PLD5: variants seen among roughly 807,000 people sequenced by gnomAD.
PLD5 encodes phospholipase D family member 5, also known as inactive phospholipase D5.
PLD5 carries 36 observed loss-of-function variants against 61.1 expected under a neutral mutation model. The observed-to-expected ratio is 0.59, with a 90% CI of 0.45 to 0.78. The LOEUF is 0.78. Ranked by LOEUF, PLD5 falls within the 30% of genes least tolerant of loss-of-function variation. PLD5 has a pLI of 0.00. For missense variants in PLD5, 515 were observed against 644.4 expected (o/e 0.80, Z 2.17); for synonymous variants, 243 against 242.8 (o/e 1.00, Z -0.01).
chr1:242,323,202 GA>G (rs910894421), intron 2 of PLD5, among the ~76,000 whole-genome samples: 3 of 151,638 alleles, frequency 2.0e-5, no homozygotes, highest in Admixed American at 6.6e-5. Flanking sequence ...GAGACAAGGG[GA>G]AAAAAAAGAA....
intron 1 of PLD5, among the ~76,000 whole-genome samples, chr1:242,495,535 A>C (rs1668342713): frequency 6.6e-6 from 1 of 152,160 alleles, no homozygotes; most frequent in Non-Finnish European, 1.5e-5. Context: ...GTTCAATGTT[A>C]CTGAGATGTT....
intron 1 of PLD5, among the ~76,000 whole-genome samples, chr1:242,385,162 G>A (rs1482364921): frequency 6.6e-6 from 1 of 152,130 alleles, no homozygotes; most frequent in African/African-American, 2.4e-5. Flanking sequence ...TTAAAAATCT[G>A]TAAGTCCAGT....
At chr1:242,373,639 T>C (rs1251238331) in intron 1 of PLD5, among the ~76,000 whole-genome samples, 2 of 152,178 alleles carry the variant, frequency 1.3e-5, no homozygotes, top group Non-Finnish European at 2.9e-5. Flanking sequence ...GATGAGTTCG[T>C]GTCCTTTGTA....
intron 4 of PLD5, among the ~76,000 whole-genome samples, chr1:242,221,829 G>A (rs1017355772): frequency 6.6e-6 from 1 of 152,172 alleles, no homozygotes; most frequent in African/African-American, 2.4e-5. Flanking sequence ...CACAGACACA[G>A]CAGACAGTGT....
At chr1:242,093,869 A>C (rs1279593280) in intron 9 of PLD5, among the ~76,000 whole-genome samples, 2 of 152,172 alleles carry the variant, frequency 1.3e-5, no homozygotes, top group African/African-American at 4.8e-5. Flanking sequence ...GACTTATTCT[A>C]TGAAATATAG....
intron 5 of PLD5, among the ~76,000 whole-genome samples, chr1:242,155,464 C>T (rs1044929140): frequency 6.6e-6 from 1 of 152,080 alleles, no homozygotes; most frequent in Non-Finnish European, 1.5e-5. Context: ...TTAGATCTTT[C>T]CTGCTTTCTC....
chr1:242,417,596 C>T (rs1664901467), intron 1 of PLD5, among the ~76,000 whole-genome samples: 1 of 152,224 alleles, frequency 6.6e-6, no homozygotes, highest in African/African-American at 2.4e-5. Context: ...TGTTGCTGTT[C>T]ACTGGTGCTT....
At chr1:242,207,756 ATTTATATT>A (rs1669421325) in intron 5 of PLD5, among the ~76,000 whole-genome samples, 1 of 58,002 alleles carries the variant, frequency 1.7e-5, no homozygotes, top group African/African-American at 6.8e-5. Flanking sequence ...ATTTATATAT[ATTTATATT>A]TATATATATT....
At chr1:242,271,024 C>T (rs1044725556) in intron 3 of PLD5, among the ~76,000 whole-genome samples, 1 of 152,092 alleles carries the variant, frequency 6.6e-6, no homozygotes, top group African/African-American at 2.4e-5. Context: ...ACAATATGTG[C>T]ACTGAAGGAT....
At chr1:242,226,332 C>T (rs901074458) in intron 4 of PLD5, among the ~76,000 whole-genome samples, 15 of 152,120 alleles carry the variant, frequency 9.9e-5, no homozygotes, top group Admixed American at 2.0e-4. Flanking sequence ...CTAGTGGCTG[C>T]GCACAGCTGC....
intron 1 of PLD5, among the ~76,000 whole-genome samples, chr1:242,368,626 C>G (rs985677453): frequency 6.6e-6 from 1 of 152,120 alleles, no homozygotes; most frequent in African/African-American, 2.4e-5. Context: ...GTCTCCACCC[C>G]AGTCTTTTAT....
intron 2 of PLD5, among the ~76,000 whole-genome samples, chr1:242,317,880 G>A (rs1658119019): frequency 6.6e-6 from 1 of 152,158 alleles, no homozygotes; most frequent in South Asian, 2.1e-4. Context: ...TGACCAGGAT[G>A]CCAGCCCTTT....
intron 9 of PLD5, among the ~76,000 whole-genome samples, chr1:242,097,808 T>C (rs1660366342): frequency 6.6e-6 from 1 of 152,230 alleles, no homozygotes; most frequent in African/African-American, 2.4e-5. Context: ...GTTTTAGACA[T>C]GAAGTCCTTG....
At chr1:242,316,797 G>C in intron 2 of PLD5, among the ~76,000 whole-genome samples, 1 of 151,784 alleles carries the variant, frequency 6.6e-6, no homozygotes, top group East Asian at 2.0e-4. Flanking sequence ...CCCAGTGTCT[G>C]TTGCTCCCCT....
chr1:242,408,874 C>T (rs976655161), intron 1 of PLD5, among the ~76,000 whole-genome samples: 2 of 152,090 alleles, frequency 1.3e-5, no homozygotes, highest in African/African-American at 4.8e-5. Context: ...CGAGACCAGC[C>T]TGGCCAACAT....
chr1:242,439,360 T>C (rs1666164415), intron 1 of PLD5, among the ~76,000 whole-genome samples: 1 of 152,142 alleles, frequency 6.6e-6, no homozygotes, highest in Non-Finnish European at 1.5e-5. Flanking sequence ...GGTTTCCCAT[T>C]CATCCAGCAG....
chr1:242,106,821 G>A (rs2053190), intron 8 of PLD5, among the ~76,000 whole-genome samples: 7 of 152,184 alleles, frequency 4.6e-5, no homozygotes, highest in African/African-American at 1.7e-4. Flanking sequence ...TGGGGGTTGA[G>A]AAAAGCTGAG....
intron 1 of PLD5, among the ~76,000 whole-genome samples, chr1:242,399,079 T>A (rs898791602): frequency 6.6e-6 from 1 of 152,168 alleles, no homozygotes; most frequent in Non-Finnish European, 1.5e-5. Flanking sequence ...GTCTTAAGTT[T>A]CTGTGTGCAT....
chr1:242,482,180 C>T (rs1455998845), intron 1 of PLD5, among the ~76,000 whole-genome samples: 2 of 152,226 alleles, frequency 1.3e-5, no homozygotes, highest in South Asian at 4.1e-4. Flanking sequence ...TGCAACTCCT[C>T]ACCAGCAACA....
Sources: gnomAD v4.1 joint callset for allele counts (sites outside exome capture counted in the v4.1 genomes callset) on GRCh38, gnomAD v4.1.1 for gene constraint, MANE v1.5 for transcripts, NCBI Gene and HGNC (gene_info 2026-07-23, HGNC 2026-07-21) for gene names.